Variants in HDAC4 observed in about 807,000 individuals in gnomAD.
The protein encoded by HDAC4 is histone deacetylase A.
Under a neutral mutation model 135.1 loss-of-function variants are expected in HDAC4, and 16 were observed. The observed-to-expected ratio is 0.12, with a 90% CI of 0.08 to 0.18. The LOEUF is 0.18. Among genes scored for constraint, HDAC4 ranks in the 10% least tolerant of loss-of-function variants. The pLI is 1.00. For synonymous variants in HDAC4, 685 were observed against 653.4 expected, an observed-to-expected ratio of 1.05 and a Z score of -0.74; for missense variants, 1,143 against 1,511.8, an observed-to-expected ratio of 0.76 and a Z score of 4.05.
rs1559509295 is a variant in HDAC4 at position 239,146,130 on chromosome 2, G to C, written c.734-1416C>G. On this transcript the variant is annotated intron_variant, in intron 7 of 26. Transcript: ENST00000543185. This position sits in a 1 kb window ranked among gnomAD's most constrained non-coding sequence, Gnocchi z 4.5. ...GCCTCTCCACGGGCTACTGACGAGG[G>C]CACACTTCTGTGCCTAACACAACCG... Among the ~76,000 whole-genome samples the C allele has an allele frequency of 1.3e-5, 2 of 152,204 alleles. No homozygotes were observed.
At chr2:239,120,402 G>GACACACACAC (rs912163549) in intron 12 of HDAC4, among the ~76,000 whole-genome samples, 13 of 68,296 alleles carry the variant, frequency 1.9e-4, no homozygotes, top group East Asian at 4.1e-4. Flanking sequence ...GACGCACACA[G>GACACACACAC]ACACACACAC....
chr2:239,127,839 C>A (rs899450430), intron 11 of HDAC4, among the ~76,000 whole-genome samples: 1 of 152,230 alleles, frequency 6.6e-6, no homozygotes, highest in Non-Finnish European at 1.5e-5. Flanking sequence ...TCCTGTCCCT[C>A]CCCCAGGACA....
chr2:239,264,465 G>T (rs1007176133), intron 2 of HDAC4, among the ~76,000 whole-genome samples: 2 of 152,258 alleles, frequency 1.3e-5, no homozygotes, highest in Non-Finnish European at 2.9e-5. Flanking sequence ...CTGGGCAGAT[G>T]CAGCGGTTTA....
In HDAC4 at chr2:239,048,702, C is replaced by G. The variant is rs2030354150; in HGVS notation, c.*4395G>C. On this transcript the variant is annotated 3_prime_UTR_variant, in exon 27 of 27. Transcript: ENST00000543185. ...GTTCGCTTTCTTTTTCTTTCAATAG[C>G]AGACTTTTAATCAATGCCAGAGACA... The G allele has an allele frequency of 6.6e-6, 1 of 152,230 alleles. No individual in the cohort carries two copies. The highest frequency in any genetic ancestry group is 1.5e-5 in the Non-Finnish European group (1 of 68,046). 9.4% of individuals were successfully genotyped at this position (152,230 alleles called of 1,614,324 possible).
At chr2:239,251,907 T>C (rs2048803933) in intron 2 of HDAC4, among the ~76,000 whole-genome samples, 1 of 152,150 alleles carries the variant, frequency 6.6e-6, no homozygotes, top group Admixed American at 6.5e-5. Context: ...ACCCTACACA[T>C]CACAACCTCC....
intron 2 of HDAC4, among the ~76,000 whole-genome samples, chr2:239,243,190 T>C (rs1202520598): frequency 1.3e-5 from 2 of 151,942 alleles, no homozygotes; most frequent in South Asian, 2.1e-4. Context: ...TCTCGCTCTG[T>C]TGCCCAGGCT....
At chr2:239,150,666 C>T (rs2042064277) in intron 7 of HDAC4, among the ~76,000 whole-genome samples, 2 of 144,566 alleles carry the variant, frequency 1.4e-5, no homozygotes, top group South Asian at 4.5e-4. Context: ...AGTCTCACCA[C>T]ACTGCACCTC....
At chr2:239,102,977 A>G in intron 15 of HDAC4, 81 bp from the exon 16 acceptor site, 1 of 1,563,436 alleles carries the variant, frequency 6.4e-7, no homozygotes, top group Non-Finnish European at 8.8e-7. Flanking sequence ...TCCAACTGAA[A>G]CCATTGCCCA....
intron 24 of HDAC4, among the ~76,000 whole-genome samples, chr2:239,063,661 G>C (rs573320750): frequency 6.6e-6 from 1 of 152,112 alleles, no homozygotes; most frequent in African/African-American, 2.4e-5. Flanking sequence ...CTTCTGCCTC[G>C]TGCTCTTGGC....
chr2:239,197,403 C>T (rs937968750), intron 3 of HDAC4, among the ~76,000 whole-genome samples: 4 of 152,316 alleles, frequency 2.6e-5, no homozygotes, highest in East Asian at 1.9e-4. Flanking sequence ...ATTTCGAAGC[C>T]GTGTGGTTTG....
At chr2:239,207,875 T>A (rs2046132478) in intron 3 of HDAC4, among the ~76,000 whole-genome samples, 1 of 152,112 alleles carries the variant, frequency 6.6e-6, no homozygotes, top group African/African-American at 2.4e-5. Context: ...AATATCCTTT[T>A]AAAAGAACTG....
At chr2:239,164,339 C>G (rs1052495978) in intron 5 of HDAC4, among the ~76,000 whole-genome samples, 30 of 152,236 alleles carry the variant, frequency 2.0e-4, no homozygotes, top group Admixed American at 2.0e-3. Flanking sequence ...AGGGACAAAG[C>G]CAGTCTCACA....
At chr2:239,198,072 C>G (rs575090534) in intron 3 of HDAC4, among the ~76,000 whole-genome samples, 1 of 152,246 alleles carries the variant, frequency 6.6e-6, no homozygotes, top group African/African-American at 2.4e-5. Context: ...TCTCAAACTC[C>G]TGACCTCAGG....
intron 3 of HDAC4, among the ~76,000 whole-genome samples, chr2:239,223,289 G>A (rs1162887005): frequency 6.6e-6 from 1 of 152,222 alleles, no homozygotes; most frequent in Non-Finnish European, 1.5e-5. Flanking sequence ...AGGGCACCAA[G>A]GACGAGGCCT....
chr2:239,296,731 C>T (rs1366925200), intron 2 of HDAC4, among the ~76,000 whole-genome samples: 2 of 152,108 alleles, frequency 1.3e-5, no homozygotes, highest in Non-Finnish European at 2.9e-5. Flanking sequence ...ACTGTCGGGC[C>T]CCGGAGCTGT....
intron 2 of HDAC4, among the ~76,000 whole-genome samples, chr2:239,266,919 G>A (rs1426208067): frequency 6.6e-6 from 1 of 152,104 alleles, no homozygotes; most frequent in Non-Finnish European, 1.5e-5. Context: ...GTCTCCCCCA[G>A]CCCTAACCAC....
At position 239,349,369 on chromosome 2, in the gene HDAC4, C is replaced by T. The variant is rs561890900; in HGVS notation, c.22+3309G>A. ...CTGACACACCTAGAAATTTCCCGCT[C>T]AAGAGAGCAAACTGAATCCTTTAGT... On this transcript the variant is annotated intron_variant, in intron 2 of 26. Coordinates refer to ENST00000543185, the MANE Select transcript of HDAC4 (RefSeq NM_001378414.1). This position sits in a 1 kb window ranked among gnomAD's most constrained non-coding sequence, Gnocchi z 5.7. Among the ~76,000 whole-genome samples, 1 of 152,360 alleles carries T rather than the reference C, an allele frequency of 6.6e-6. No individual in the cohort carries two copies. Among genetic ancestry groups the T allele is most frequent in the African/African-American group, 2.4e-5 (1 of 41,586 alleles).
intron 4 of HDAC4, among the ~76,000 whole-genome samples, chr2:239,184,918 T>C (rs1177189946): frequency 1.2e-4 from 11 of 95,360 alleles, no homozygotes; most frequent in Non-Finnish European, 1.8e-4. Context: ...GACTGTGTCC[T>C]ATGGTGGGGG....
rs577367691 is a variant in HDAC4 at position 239,306,087 on chromosome 2, T to A, written c.22+46591A>T. Among the ~76,000 whole-genome samples, 1 of 152,320 alleles carries A rather than the reference T, an allele frequency of 6.6e-6. No individual in the cohort carries two copies. Among genetic ancestry groups the A allele is most frequent in the Admixed American group, 6.5e-5 (1 of 15,306 alleles). The stretch of plus-strand genomic sequence containing the variant: ...ACACTCTGCTTAAGTAACTACTTCA[T>A]CACTCAAGGTCCCAAAGAATGCTGC... On this transcript the variant is annotated intron_variant, in intron 2 of 26. Transcript: ENST00000543185. This position sits in a 1 kb window ranked among gnomAD's most constrained non-coding sequence, Gnocchi z 4.5.
Sources: allele counts gnomAD v4.1 joint callset (sites outside exome capture counted in the v4.1 genomes callset), GRCh38; gene constraint gnomAD v4.1.1; non-coding constraint Gnocchi (gnomAD v3.1); transcripts MANE v1.5; gene names NCBI Gene and HGNC (gene_info 2026-07-23, HGNC 2026-07-21).